MEOX1: variants seen among roughly 807,000 people sequenced by gnomAD.
The protein encoded by MEOX1 is mesenchyme homeobox 1.
MEOX1 carries 17 observed loss-of-function variants against 23.2 expected under a neutral mutation model. That is an observed-to-expected ratio of 0.73 (90% CI 0.50 to 1.10). The LOEUF (loss-of-function observed/expected upper bound fraction) is 1.10, where lower values mean the gene tolerates loss of function less well. MEOX1 is among the 50% of genes least tolerant of loss of function. The pLI is 0.00. For missense variants in MEOX1, 333 were observed against 332.2 expected (o/e 1.00, Z -0.02); for synonymous variants, 134 against 135.1 (o/e 0.99, Z 0.06).
rs527846468 is a variant in MEOX1, at chr17:43,661,332, G to A, written c.203C>T (p.Ala68Val). The stretch of plus-strand genomic sequence containing the variant: ...CTGGGGCAGGCTGTGTGGGGTGGCT[G>A]CCAGGCAGGAGGCTGAGAAGTCAGG... ...AYPDFSASCL[A>V]ATPHSLPQEE... Residue 68 changes from alanine to valine, a missense_variant, in exon 1 of 3, where the codon GCA (alanine) becomes GTA (valine). Coordinates refer to ENST00000318579, the MANE Select transcript of MEOX1 (RefSeq NM_004527.4). The A allele has an allele frequency of 6.2e-7, 1 of 1,613,142 alleles. No homozygotes were observed. Among genetic ancestry groups the A allele is most frequent in the African/African-American group, 1.3e-5 (1 of 75,036 alleles).
chr17:43,653,663 C>T (rs1972960134), intron 1 of MEOX1, among the ~76,000 whole-genome samples: 1 of 151,276 alleles, frequency 6.6e-6, no homozygotes, highest in Admixed American at 6.6e-5. Context: ...GCGCATGCCA[C>T]CACGCCCAGC....
At chr17:43,648,862 G>A (rs1231732174) in intron 1 of MEOX1, among the ~76,000 whole-genome samples, 1 of 152,152 alleles carries the variant, frequency 6.6e-6, no homozygotes, top group East Asian at 1.9e-4. Context: ...GGCTCTGCTG[G>A]GCCGTTTCTC....
At chr17:43,651,330 T>G (rs1972912281) in intron 1 of MEOX1, among the ~76,000 whole-genome samples, 1 of 151,920 alleles carries the variant, frequency 6.6e-6, no homozygotes, top group Non-Finnish European at 1.5e-5. Context: ...GAAAAAAAAG[T>G]CTGGTGCTAT....
chr17:43,660,053 G>A (rs915336332), intron 1 of MEOX1, among the ~76,000 whole-genome samples: 5 of 152,208 alleles, frequency 3.3e-5, no homozygotes, highest in Admixed American at 2.6e-4. Context: ...TACAGGCTCC[G>A]ACAGACAGGC....
At chr17:43,659,182 C>T (rs1018746205) in intron 1 of MEOX1, among the ~76,000 whole-genome samples, 5 of 152,216 alleles carry the variant, frequency 3.3e-5, no homozygotes, top group Admixed American at 6.5e-5. Flanking sequence ...TTCCCAATGC[C>T]CTTGGCTGTC....
Position 43,641,013 on chromosome 17 carries a change from TC to T in MEOX1, c.*896del. Reference sequence around the variant, plus strand: ...TTCCAGCCTCTACGTTGTTTTCAGCTCCTAGTTGTTCAGCCCAACAACTCAG... The same window carrying T: ...TTCCAGCCTCTACGTTGTTTTCAGCTCTAGTTGTTCAGCCCAACAACTCAG... On this transcript the variant is annotated 3_prime_UTR_variant, in exon 3 of 3. Transcript: ENST00000318579. The T allele has an allele frequency of 6.6e-6, 1 of 152,108 alleles. No homozygotes were observed. Among genetic ancestry groups the T allele is most frequent in the Non-Finnish European group, 1.5e-5 (1 of 68,030 alleles). The allele number at this position is 152,108 out of a possible 1,614,324, so 9.4% of individuals were successfully genotyped here.
chr17:43,657,055 T>TTTCTTTCTTTCTTTCC (rs777740594), intron 1 of MEOX1, among the ~76,000 whole-genome samples: 139 of 136,424 alleles, frequency 1.0e-3, no homozygotes, highest in Middle Eastern at 3.5e-3. Flanking sequence ...TCTTTCTTTC[T>TTTCTTTCTTTCTTTCC]TTCCTTCCTT....
Position 43,641,770 on chromosome 17 carries a change from G to C in MEOX1, c.*140C>G, listed in dbSNP as rs955857870. 1.2e-6 allele frequency: 1 copy of C among 857,580 alleles called. No homozygotes were observed. Among genetic ancestry groups the C allele is most frequent in the Admixed American group, 2.8e-5 (1 of 36,100 alleles). 53.1% of individuals were successfully genotyped at this position (857,580 alleles called of 1,614,324 possible). Reference sequence around the variant, plus strand: ...AATCCTAAGACTCCCAGGAATGCTGGGCAGTTTCATATCCAAGAGTCAGGG... The same window carrying C: ...AATCCTAAGACTCCCAGGAATGCTGCGCAGTTTCATATCCAAGAGTCAGGG... On this transcript the variant is annotated 3_prime_UTR_variant, in exon 3 of 3. Coordinates refer to ENST00000318579, the MANE Select transcript of MEOX1 (RefSeq NM_004527.4).
chr17:43,647,454 G>A (rs1433909530), intron 1 of MEOX1, among the ~76,000 whole-genome samples: 18 of 152,192 alleles, frequency 1.2e-4, no homozygotes, highest in Admixed American at 1.2e-3. Flanking sequence ...GTGACAGAAG[G>A]GAGATTTGAA....
intron 1 of MEOX1, among the ~76,000 whole-genome samples, chr17:43,657,160 T>G (rs1266270378): frequency 2.8e-5 from 2 of 70,250 alleles, no homozygotes; most frequent in Admixed American, 4.4e-4. Flanking sequence ...CTCTCTTTCT[T>G]TCTTTCTTTC....
At position 43,643,441 on chromosome 17, in the gene MEOX1, A is replaced by AG. The variant is rs1972736760; in HGVS notation, c.642+46dup. On this transcript the variant is annotated intron_variant, in intron 2 of 2. Coordinates refer to ENST00000318579, the MANE Select transcript of MEOX1 (RefSeq NM_004527.4). ...GGGGTGGTGGGAAAGGAGGGAAGGG[A>AG]GGGAGATGAGAGAGCAAAGAAGAGG... The AG allele has an allele frequency of 2.0e-6, 3 of 1,487,108 alleles. No individual in the cohort carries two copies. In the East Asian group the frequency reaches 7.5e-5, roughly 37 times the overall value. The allele number at this position is 1,487,108 out of a possible 1,614,324, so 92.1% of individuals were successfully genotyped here.
In MEOX1 at chr17:43,661,344, G is replaced by A. The variant is rs1292292017; in HGVS notation, c.191C>T (p.Ala64Val). 2 of 1,613,686 alleles carry A rather than the reference G, an allele frequency of 1.2e-6. No homozygotes were observed. Among genetic ancestry groups the A allele is most frequent in the African/African-American group, 2.7e-5 (2 of 74,906 alleles). ...TATAAYPDFS[A>V]SCLAATPHSL... is the part of the protein sequence containing the mutation. Reference sequence around the variant, plus strand: ...GTGTGGGGTGGCTGCCAGGCAGGAGGCTGAGAAGTCAGGGTACGCTGCCGT... The same window carrying A: ...GTGTGGGGTGGCTGCCAGGCAGGAGACTGAGAAGTCAGGGTACGCTGCCGT... Residue 64 changes from alanine to valine, a missense_variant, in exon 1 of 3, where the codon GCC (alanine) becomes GTC (valine). Physicochemically the swap from Ala to Val is moderately conservative, Grantham distance 64 (BLOSUM62 0). Coordinates refer to ENST00000318579, the MANE Select transcript of MEOX1 (RefSeq NM_004527.4).
chr17:43,657,010 T>TTCTC (rs113484452), intron 1 of MEOX1, among the ~76,000 whole-genome samples: 10 of 60,670 alleles, frequency 1.6e-4, no homozygotes, highest in African/African-American at 3.4e-4. Flanking sequence ...CTTTCTTTCT[T>TTCTC]TCTCTTTCTT....
intron 1 of MEOX1, among the ~76,000 whole-genome samples, chr17:43,651,992 G>A (rs1972926448): frequency 6.6e-6 from 1 of 152,194 alleles, no homozygotes; most frequent in Non-Finnish European, 1.5e-5. Flanking sequence ...CCAGGCGTGG[G>A]ATTTGTGCTG....
At chr17:43,647,120 G>A (rs1380409343) in intron 1 of MEOX1, among the ~76,000 whole-genome samples, 1 of 152,232 alleles carries the variant, frequency 6.6e-6, no homozygotes, top group Non-Finnish European at 1.5e-5. Flanking sequence ...AGAGGCATCT[G>A]CGGCTTTAAC....
At chr17:43,646,612 G>A (rs1972819219) in intron 1 of MEOX1, among the ~76,000 whole-genome samples, 1 of 83,986 alleles carries the variant, frequency 1.2e-5, no homozygotes, top group Non-Finnish European at 2.5e-5. Context: ...AGAAATTGAG[G>A]AAATTTCACC....
intron 1 of MEOX1, among the ~76,000 whole-genome samples, chr17:43,647,425 T>A (rs1972831851): frequency 6.6e-6 from 1 of 152,208 alleles, no homozygotes; most frequent in African/African-American, 2.4e-5. Context: ...AATTGCCCAG[T>A]GTGCCTGACA....
intron 1 of MEOX1, among the ~76,000 whole-genome samples, chr17:43,651,990 G>T (rs963618806): frequency 5.3e-5 from 8 of 152,194 alleles, no homozygotes; most frequent in Non-Finnish European, 1.2e-4. Context: ...GCCCAGGCGT[G>T]GGATTTGTGC....
In MEOX1 at chr17:43,661,781, C is replaced by A; in HGVS notation, c.-247G>T. On this transcript the variant is annotated 5_prime_UTR_variant, in exon 1 of 3. Coordinates refer to ENST00000318579, the MANE Select transcript of MEOX1 (RefSeq NM_004527.4). ...CTATGTCGGGCTTGCTCCTGCCCCTCCAATGCACCAGCCTACCTACTGGGA... is the reference window on the plus strand; with the variant it reads ...CTATGTCGGGCTTGCTCCTGCCCCTACAATGCACCAGCCTACCTACTGGGA... 1 of 398,540 alleles carries A rather than the reference C, an allele frequency of 2.5e-6. No individual in the cohort carries two copies. The allele number at this position is 398,540 out of a possible 1,614,324, so 24.7% of individuals were successfully genotyped here.
Sources: gnomAD v4.1 joint callset for allele counts (sites outside exome capture counted in the v4.1 genomes callset) on GRCh38, gnomAD v4.1.1 for gene constraint, MANE v1.5 for transcripts, NCBI Gene and HGNC (gene_info 2026-07-23, HGNC 2026-07-21) for gene names.